PHF24: variants seen among roughly 807,000 people sequenced by gnomAD.
PHF24 encodes the protein PHD finger protein 24.
In PHF24, 25 loss-of-function variants were observed where a neutral mutation model predicts 42.6. That is an observed-to-expected ratio of 0.59 (90% CI 0.43 to 0.82). The LOEUF (loss-of-function observed/expected upper bound fraction) is 0.82, where lower values mean the gene tolerates loss of function less well. PHF24 is among the 40% of genes least tolerant of loss of function. The pLI, the probability that PHF24 is intolerant of heterozygous loss-of-function variation, is 0.00. For missense variants in PHF24, 470 were observed against 538.1 expected (o/e 0.87, Z 1.25); for synonymous variants, 185 against 204.8 (o/e 0.90, Z 0.83).
chr9:34,977,607 G>C, exon 7 of PHF24: 2 of 1,607,386 alleles, frequency 1.2e-6, no homozygotes, highest in Non-Finnish European at 1.7e-6. Flanking sequence ...CAAGAGTCAG[G>C]ACAAGACCCT....
the PHF24 span, among the ~76,000 whole-genome samples, chr9:34,935,580 C>G: frequency 8.8e-6 from 1 of 113,754 alleles, no homozygotes; most frequent in Admixed American, 1.2e-4. Flanking sequence ...GGGGACAGAG[C>G]GAGACTTCAT....
the PHF24 span, among the ~76,000 whole-genome samples, chr9:34,720,269 C>A: frequency 1.3e-5 from 2 of 152,030 alleles, no homozygotes; most frequent in Non-Finnish European, 2.9e-5. Flanking sequence ...AAGGTGAAAC[C>A]CCGTCTCTAC....
exon 8 of PHF24, chr9:34,978,345 G>T (rs762203990): frequency 9.2e-6 from 5 of 543,958 alleles, no homozygotes; most frequent in Non-Finnish European, 1.3e-5. Context: ...CTCCTGGACC[G>T]CCCCTGCCCC....
the PHF24 span, among the ~76,000 whole-genome samples, chr9:34,846,931 A>AGGGC: frequency 6.6e-6 from 1 of 152,114 alleles, no homozygotes; most frequent in Admixed American, 6.5e-5. Flanking sequence ...ATTATTTCTG[A>AGGGC]GGGCTCTGTT....
the PHF24 span, chr9:34,923,018 G>T: frequency 1.7e-5 from 9 of 541,610 alleles, no homozygotes; most frequent in South Asian, 4.4e-4. Context: ...GCTCCGGCCC[G>T]CCTAGACCCA....
the PHF24 span, among the ~76,000 whole-genome samples, chr9:34,786,446 A>C: frequency 2.0e-5 from 3 of 152,146 alleles, no homozygotes; most frequent in African/African-American, 4.8e-5. Context: ...CCCTTTAGTC[A>C]GCTGAACTAG....
At chr9:34,706,001 C>T in the PHF24 span, among the ~76,000 whole-genome samples, 1 of 152,110 alleles carries the variant, frequency 6.6e-6, no homozygotes, top group Non-Finnish European at 1.5e-5. Context: ...GAATCCATCT[C>T]ATATGATGAA....
chr9:34,931,943 T>C, the PHF24 span, among the ~76,000 whole-genome samples: 3 of 152,182 alleles, frequency 2.0e-5, no homozygotes, highest in Non-Finnish European at 4.4e-5. Flanking sequence ...AGGGTTATAT[T>C]GAAGGGACTT....
chr9:34,754,517 C>T, the PHF24 span, among the ~76,000 whole-genome samples: 1 of 151,786 alleles, frequency 6.6e-6, no homozygotes. Context: ...ATCGTCTTGC[C>T]CCAGTTAAAA....
chr9:34,965,415 T>G (rs1242014974), intron 1 of PHF24, among the ~76,000 whole-genome samples: 2 of 152,258 alleles, frequency 1.3e-5, no homozygotes, highest in Non-Finnish European at 2.9e-5. Flanking sequence ...TACTTTGCAT[T>G]TCTGCCCTTA....
At chr9:34,927,611 G>A in the PHF24 span, among the ~76,000 whole-genome samples, 2,033 of 152,050 alleles carry the variant, frequency 0.013, 17 homozygotes, top group Non-Finnish European at 0.02. Flanking sequence ...GAGATCTTGT[G>A]CTTACCTTTT....
At chr9:34,806,860 G>A in the PHF24 span, among the ~76,000 whole-genome samples, 2 of 152,198 alleles carry the variant, frequency 1.3e-5, no homozygotes, top group East Asian at 3.8e-4. Context: ...GTTCATTCAA[G>A]TACATGGAAA....
the PHF24 span, among the ~76,000 whole-genome samples, chr9:34,756,058 T>C: frequency 6.6e-6 from 1 of 151,996 alleles, no homozygotes; most frequent in African/African-American, 2.4e-5. Flanking sequence ...AGTTTTAAAG[T>C]TTTTGGTCTT....
chr9:34,906,752 C>T, the PHF24 span, among the ~76,000 whole-genome samples: 1 of 151,820 alleles, frequency 6.6e-6, no homozygotes, highest in African/African-American at 2.4e-5. Context: ...CTTGGAATTT[C>T]CTTATCTAAA....
the PHF24 span, among the ~76,000 whole-genome samples, chr9:34,719,202 T>A: frequency 7.2e-5 from 11 of 152,174 alleles, no homozygotes; most frequent in Non-Finnish European, 1.5e-4. Flanking sequence ...CATGCCCGGC[T>A]AATTTTTGTA....
At chr9:34,780,005 C>T in the PHF24 span, among the ~76,000 whole-genome samples, 4 of 152,082 alleles carry the variant, frequency 2.6e-5, no homozygotes, top group Non-Finnish European at 4.4e-5. Context: ...AGATTACAGG[C>T]GTGAGCCACT....
At chr9:34,944,617 A>T in the PHF24 span, among the ~76,000 whole-genome samples, 21 of 152,240 alleles carry the variant, frequency 1.4e-4, no homozygotes, top group Non-Finnish European at 2.5e-4. Flanking sequence ...TCTTCAAAGC[A>T]TTCATCCAGA....
the PHF24 span, among the ~76,000 whole-genome samples, chr9:34,770,670 A>G: frequency 6.6e-6 from 1 of 152,160 alleles, no homozygotes; most frequent in Non-Finnish European, 1.5e-5. Flanking sequence ...ATATAGAAGA[A>G]AAGAAGTTAG....
the PHF24 span, among the ~76,000 whole-genome samples, chr9:34,865,334 T>TGGGAAGGC: frequency 6.6e-6 from 1 of 151,452 alleles, no homozygotes; most frequent in African/African-American, 2.4e-5. Context: ...GAGGCCAAGG[T>TGGGAAGGC]GGGCGGATCA....
Sources: gnomAD v4.1 joint callset for allele counts (sites outside exome capture counted in the v4.1 genomes callset) on GRCh38, gnomAD v4.1.1 for gene constraint, MANE v1.5 for transcripts, NCBI Gene and HGNC (gene_info 2026-07-23, HGNC 2026-07-21) for gene names.